FGD2: variants seen among roughly 807,000 people sequenced by gnomAD.
FGD2 encodes FYVE, RhoGEF and PH domain containing 2.
Under a neutral mutation model 75.9 loss-of-function variants are expected in FGD2, and 52 were observed. That is an observed-to-expected ratio of 0.69 (90% CI 0.55 to 0.86). FGD2 has a LOEUF of 0.86. Among genes scored for constraint, FGD2 ranks in the 40% least tolerant of loss-of-function variants. The pLI, the probability that FGD2 is intolerant of heterozygous loss-of-function variation, is 0.00. For synonymous variants in FGD2, 347 were observed against 348.6 expected (o/e 1.00, Z 0.05); for missense variants, 790 against 872.0 (o/e 0.91, Z 1.18).
chr6:37,024,368 C>A (rs1291203354), intron 13 of FGD2: 1 of 152,036 alleles, frequency 6.6e-6, no homozygotes, highest in Non-Finnish European at 1.5e-5. Context: ...AATATTGTAT[C>A]AATAAATTTC....
rs1220583690 is a variant in FGD2 at position 37,027,946 on chromosome 6, A to G, written c.1753-2A>G. 1.9e-6 allele frequency: 3 copies of G among 1,613,704 alleles called. No homozygotes were observed. The highest frequency in any genetic ancestry group is 2.5e-6 in the Non-Finnish European group (3 of 1,179,880). ...TGGCCCACTGCTCTCTCCTCCCCCC[A>G]GGACATGAGGGCTCACACCTCCATC... On this transcript the variant is annotated splice_acceptor_variant, in intron 15 of 15. Transcript: ENST00000274963. LOFTEE classifies it high-confidence loss of function.
intron 2 of FGD2, 149 bp from the exon 3 acceptor site, chr6:37,010,824 G>C: frequency 1.4e-6 from 1 of 707,014 alleles, no homozygotes; most frequent in East Asian, 2.7e-5. Flanking sequence ...GCCACCCCAG[G>C]GCCGGCCCAG....
chr6:37,006,646 A>G (rs2150765319), intron 1 of FGD2, among the ~76,000 whole-genome samples: 1 of 152,076 alleles, frequency 6.6e-6, no homozygotes, highest in South Asian at 2.1e-4. Context: ...GTTGTGTGTT[A>G]TGTGTGGCAT....
chr6:37,011,701 T>C lies in FGD2; in HGVS notation c.379-5T>C. On this transcript the variant is annotated splice_polypyrimidine_tract_variant and splice_region_variant and intron_variant, in intron 3 of 15. Transcript: ENST00000274963. The stretch of plus-strand genomic sequence containing the variant: ...GCAGTGAGTGACCTGTCGTGGCGGC[T>C]ACAGGTGTTTTTCCAGGAGCTGCTG... 6.2e-7 allele frequency: 1 copy of C among 1,613,412 alleles called. No individual in the cohort carries two copies. Among genetic ancestry groups the C allele is most frequent in the Non-Finnish European group, 8.5e-7 (1 of 1,179,716 alleles).
At chr6:37,006,794 G>A (rs1440605688) in intron 1 of FGD2, among the ~76,000 whole-genome samples, 2 of 152,174 alleles carry the variant, frequency 1.3e-5, no homozygotes, top group African/African-American at 2.4e-5. Context: ...AACAGCTGTG[G>A]GTGTGAGGGA....
intron 3 of FGD2, chr6:37,011,310 A>G: frequency 1.7e-6 from 1 of 576,726 alleles, no homozygotes; most frequent in East Asian, 2.9e-5. Context: ...TTGCTGGCCT[A>G]CACGGTATCT....
Position 37,011,743 on chromosome 6 carries a change from G to A in FGD2, c.416G>A (p.Ser139Asn), listed in dbSNP as rs1561927992. 1 of 1,614,182 alleles carries A rather than the reference G, an allele frequency of 6.2e-7. No homozygotes were observed. Residue 139 changes from serine to asparagine, a missense_variant, in exon 4 of 16, where the codon AGC becomes AAC. By Grantham distance (46) the Ser-to-Asn change is conservative. Coordinates refer to ENST00000274963, the MANE Select transcript of FGD2 (RefSeq NM_173558.4). ...FQELLKTARS[S>N]KAFPEDVVRV... is the part of the protein sequence containing the mutation. ...GAGCTGCTGAAGACAGCCCGCAGCA[G>A]CAAGGCCTTCCCAGAGGATGTGGTC...
Position 37,014,062 on chromosome 6 carries a change from AG to A in FGD2, c.786del (p.Lys262AsnfsTer18). ...CTGCTGCTCAAGGAGTACATCCAGA[AG>A]CTGCCAGCCCAGGCCCCAGACCAGG... Reference protein sequence around the residue: ...YELLLKEYIQKLPAQAPDQAD... With the variant: ...YELLLKEYIQXLPAQAPDQAD... On this transcript the variant is annotated frameshift_variant, in exon 6 of 16. Coordinates refer to ENST00000274963, the MANE Select transcript of FGD2 (RefSeq NM_173558.4). LOFTEE classifies it high-confidence loss of function. The A allele has an allele frequency of 6.2e-7, 1 of 1,614,120 alleles. No individual in the cohort carries two copies. The highest frequency in any genetic ancestry group is 8.5e-7 in the Non-Finnish European group (1 of 1,179,976).
intron 9 of FGD2, among the ~76,000 whole-genome samples, chr6:37,017,479 C>T (rs1765355744): frequency 6.6e-6 from 1 of 152,222 alleles, no homozygotes; most frequent in South Asian, 2.1e-4. Context: ...GCTGGCGCTT[C>T]TGCGTCTAAC....
chr6:37,022,253 G>T lies in FGD2; in HGVS notation c.1341G>T (p.Glu447Asp), dbSNP rs78182287. ...DIQEQELQSE[E>D]LGLRAPQWVR... ...TTAACCCACAGCTGCAGTCTGAGGA[G>T]CTGGGCCTCCGGGCACCGCAGTGGG... The change falls in exon 13 of 16, where the codon GAG (glutamate) becomes GAT (aspartate). Residue 447 changes from glutamate (E) to aspartate (D), a missense_variant. Coordinates refer to ENST00000274963, the MANE Select transcript of FGD2 (RefSeq NM_173558.4). The T allele has an allele frequency of 6.3e-7, 1 of 1,595,994 alleles. No homozygotes were observed. Among genetic ancestry groups the T allele is most frequent in the South Asian group, 1.1e-5 (1 of 89,672 alleles).
chr6:37,024,639 G>A (rs1285097289), intron 13 of FGD2: 2 of 152,084 alleles, frequency 1.3e-5, no homozygotes, highest in Admixed American at 6.5e-5. Flanking sequence ...AAAATTAAAC[G>A]TTGGTAGAGG....
Position 37,014,035 on chromosome 6 carries a change from A to G in FGD2, c.758A>G (p.Glu253Gly). The G allele has an allele frequency of 1.9e-6, 3 of 1,614,102 alleles. No individual in the cohort carries two copies. Among genetic ancestry groups the G allele is most frequent in the Non-Finnish European group, 2.5e-6 (3 of 1,179,992 alleles). Reference protein sequence around the residue: ...LEPVQRIPRYELLLKEYIQKL... With the variant: ...LEPVQRIPRYGLLLKEYIQKL... ...CCAGTGCAGAGAATTCCACGTTACG[A>G]GCTGCTGCTCAAGGAGTACATCCAG... Residue 253 changes from glutamate (E) to glycine (G), a missense_variant, in exon 6 of 16, where the codon GAG becomes GGG. Glu to Gly is a moderately conservative substitution (Grantham distance 98, BLOSUM62 -2). Coordinates refer to ENST00000274963, the MANE Select transcript of FGD2 (RefSeq NM_173558.4).
intron 2 of FGD2, chr6:37,009,884 G>A (rs1764927337): frequency 6.6e-6 from 1 of 151,892 alleles, no homozygotes; most frequent in Middle Eastern, 3.2e-3. Flanking sequence ...CATGGTGGTG[G>A]GCGCCTGTAA....
At chr6:37,020,170 GT>G (rs1734493949) in intron 9 of FGD2, among the ~76,000 whole-genome samples, 1 of 152,140 alleles carries the variant, frequency 6.6e-6, no homozygotes, top group South Asian at 2.1e-4. Context: ...TTTCTTTAAT[GT>G]TTTATTATGA....
At chr6:37,014,586 C>T (rs141572833) in intron 6 of FGD2, 60 bp from the exon 7 acceptor site, 118 of 1,600,076 alleles carry the variant, frequency 7.4e-5, no homozygotes, top group South Asian at 9.9e-5. Context: ...TCAAGGACCT[C>T]CTGCCCCAGC....
In FGD2 at chr6:37,027,983, C is replaced by T. The variant is rs779630987; in HGVS notation, c.1788C>T (p.Gly596=). The T allele has an allele frequency of 1.2e-6, 2 of 1,614,062 alleles. No homozygotes were observed. Among genetic ancestry groups the T allele is most frequent in the Non-Finnish European group, 1.7e-6 (2 of 1,180,016 alleles). The part of the protein sequence containing the change: ...MRAHTSIPLL[G]YQVTVGPQGD... ...CTCACACCTCCATCCCCCTGCTGGG[C>T]TACCAGGTGACTGTTGGGCCCCAGG... Residue 596 remains glycine (G), a synonymous_variant, in exon 16 of 16, where the codon GGC becomes GGT. Coordinates refer to ENST00000274963, the MANE Select transcript of FGD2 (RefSeq NM_173558.4).
intron 13 of FGD2, 34 bp from the exon 14 acceptor site, chr6:37,025,758 C>A (rs754356369): frequency 1.7e-5 from 28 of 1,613,030 alleles, no homozygotes; most frequent in Non-Finnish European, 1.2e-5. Flanking sequence ...GGTGCCTGGT[C>A]TCAGCCCCAT....
chr6:37,010,840 C>G (rs1325051246), intron 2 of FGD2, 133 bp from the exon 3 acceptor site: 8 of 814,794 alleles, frequency 9.8e-6, no homozygotes, highest in Non-Finnish European at 1.4e-5. Flanking sequence ...CCCAGATGCA[C>G]TGCGGGAGGC....
chr6:37,010,199 T>C (rs1268975924), intron 2 of FGD2, among the ~76,000 whole-genome samples: 1 of 152,140 alleles, frequency 6.6e-6, no homozygotes, highest in African/African-American at 2.4e-5. Context: ...TTTCTCACAG[T>C]GCTGGAGGCT....
Sources: gnomAD v4.1 joint callset for allele counts (sites outside exome capture counted in the v4.1 genomes callset) on GRCh38, gnomAD v4.1.1 for gene constraint, MANE v1.5 for transcripts, NCBI Gene and HGNC (gene_info 2026-07-23, HGNC 2026-07-21) for gene names.